The following ZP3 variants were observed in gnomAD, a reference collection of about 807,000 sequenced individuals.
The protein encoded by ZP3 is zona pellucida glycoprotein 3.
Under a neutral mutation model 35.6 loss-of-function variants are expected in ZP3, and 21 were observed. The observed-to-expected ratio is 0.59, with a 90% CI of 0.42 to 0.85. ZP3 has a LOEUF of 0.85. Among genes scored for constraint, ZP3 ranks in the 40% least tolerant of loss-of-function variants. The pLI is 0.00. For missense variants in ZP3, 437 were observed against 536.5 expected, an observed-to-expected ratio of 0.81 and a Z score of 1.83; for synonymous variants, 207 against 214.5, an observed-to-expected ratio of 0.96 and a Z score of 0.31.
Position 76,433,665 on chromosome 7 carries a change from T to G in ZP3, c.713+18T>G. 1 of 1,580,782 alleles carries G rather than the reference T, an allele frequency of 6.3e-7. No homozygotes were observed. Among genetic ancestry groups the G allele is most frequent in the Non-Finnish European group, 8.6e-7 (1 of 1,161,504 alleles). ...TTCCATGGGTGAGCACTGGGCTCCC[T>G]GCCTAGAGAACCTTCCTAGCAAAAT... On this transcript the variant is annotated intron_variant, in intron 4 of 7. Transcript: ENST00000394857.
chr7:76,414,421 C>T (rs1265246394), intron 1 of ZP3, among the ~76,000 whole-genome samples: 5 of 152,054 alleles, frequency 3.3e-5, no homozygotes, highest in Admixed American at 6.6e-5. Context: ...GGTGCCTAGG[C>T]GGTTGGTTCA....
intron 1 of ZP3, 79 bp from the exon 2 acceptor site, chr7:76,429,436 T>A: frequency 7.2e-7 from 1 of 1,394,954 alleles, no homozygotes; most frequent in African/African-American, 1.4e-5. Flanking sequence ...TGGGCTGCCC[T>A]CCCTGAGCAC....
chr7:76,404,607 C>T (rs556009195), intron 1 of ZP3: 23 of 892,382 alleles, frequency 2.6e-5, no homozygotes, highest in South Asian at 2.3e-4. Context: ...GCCTGGGCAA[C>T]ATAGTGAGAC....
intron 1 of ZP3, chr7:76,400,700 G>A: frequency 8.1e-7 from 1 of 1,230,544 alleles, no homozygotes; most frequent in Non-Finnish European, 1.1e-6. Flanking sequence ...TAGAGACGGG[G>A]TCTCACTATG....
exon 1 of ZP3, chr7:76,397,733 C>T (rs745520133): frequency 6.2e-7 from 1 of 1,613,338 alleles, no homozygotes; most frequent in Non-Finnish European, 8.5e-7. Context: ...CGGCAGCCCC[C>T]AGTCGTCGTC....
intron 1 of ZP3, among the ~76,000 whole-genome samples, chr7:76,418,030 C>T (rs543571486): frequency 6.6e-5 from 10 of 151,132 alleles, no homozygotes; most frequent in Admixed American, 1.3e-4. Context: ...CTCCGCCTCC[C>T]GGGTTCAAGC....
intron 7 of ZP3, 147 bp downstream of exon 7, chr7:76,440,758 T>C (rs1178129605): frequency 7.3e-7 from 1 of 1,369,204 alleles, no homozygotes; most frequent in African/African-American, 1.5e-5. Flanking sequence ...CTAACACAAA[T>C]CTTGGGGTTA....
intron 1 of ZP3, among the ~76,000 whole-genome samples, chr7:76,412,965 CTT>C (rs1160174272): frequency 2.9e-5 from 3 of 102,540 alleles, no homozygotes; most frequent in Non-Finnish European, 1.7e-5. Flanking sequence ...TCTTCTTCTT[CTT>C]TTTTTTTTTT....
chr7:76,428,806 C>T (rs956625809), intron 1 of ZP3: 3 of 152,416 alleles, frequency 2.0e-5, no homozygotes, highest in South Asian at 4.1e-4. Flanking sequence ...CTCAGTCTCC[C>T]GAGTAGCTGG....
chr7:76,433,447 G>T (rs1351711987), intron 3 of ZP3, 23 bp from the exon 4 acceptor site: 3 of 1,604,188 alleles, frequency 1.9e-6, no homozygotes, highest in Non-Finnish European at 2.6e-6. Context: ...GAGCCACCAT[G>T]CCCAGCTGAC....
chr7:76,401,177 C>A, intron 1 of ZP3: 1 of 1,262,096 alleles, frequency 7.9e-7, no homozygotes, highest in South Asian at 1.6e-5. Flanking sequence ...CCTGCTTTGC[C>A]AAAGCCCCAT....
At chr7:76,420,081 C>T (rs182712498), upstream of ZP3, among the ~76,000 whole-genome samples, 73 of 151,646 alleles carry the variant, frequency 4.8e-4, 2 homozygotes, top group East Asian at 0.013. Flanking sequence ...GGATTACAGG[C>T]ATTAGCCACC....
At chr7:76,412,773 C>T (rs188131177) in intron 1 of ZP3, among the ~76,000 whole-genome samples, 4 of 151,426 alleles carry the variant, frequency 2.6e-5, no homozygotes, top group South Asian at 2.1e-4. Context: ...CGCTTGAACC[C>T]GGGAGGCGGA....
chr7:76,423,056 A>G (rs1266870517), upstream of ZP3, among the ~76,000 whole-genome samples: 1 of 143,282 alleles, frequency 7.0e-6, no homozygotes, highest in African/African-American at 2.8e-5. Flanking sequence ...AGAAAGAAAG[A>G]AAGAAAGAAA....
chr7:76,412,735 G>C (rs1805279145), intron 1 of ZP3, among the ~76,000 whole-genome samples: 1 of 151,874 alleles, frequency 6.6e-6, no homozygotes, highest in African/African-American at 2.4e-5. Flanking sequence ...TGTAATCCCA[G>C]CTACTCGGGA....
intron 1 of ZP3, among the ~76,000 whole-genome samples, chr7:76,408,140 G>C (rs1374470205): frequency 6.6e-6 from 1 of 152,088 alleles, no homozygotes; most frequent in African/African-American, 2.4e-5. Flanking sequence ...GTGGGACTGG[G>C]GGACATGGGT....
intron 1 of ZP3, among the ~76,000 whole-genome samples, chr7:76,412,194 A>G (rs1229420037): frequency 6.6e-6 from 1 of 151,652 alleles, no homozygotes; most frequent in Non-Finnish European, 1.5e-5. Context: ...TCTCAAAAAA[A>G]AAAAAAAAGA....
At chr7:76,413,761 G>C (rs1805304986) in intron 1 of ZP3, among the ~76,000 whole-genome samples, 1 of 150,916 alleles carries the variant, frequency 6.6e-6, no homozygotes, top group Non-Finnish European at 1.5e-5. Flanking sequence ...CGAACTCTGA[G>C]GTTGAAGTAA....
At chr7:76,420,570 C>T (rs1419331838), upstream of ZP3, among the ~76,000 whole-genome samples, 1 of 152,108 alleles carries the variant, frequency 6.6e-6, no homozygotes, top group Non-Finnish European at 1.5e-5. Flanking sequence ...GTTAATTTTT[C>T]CTCAAAGATC....
Sources: allele counts gnomAD v4.1 joint callset (sites outside exome capture counted in the v4.1 genomes callset), GRCh38; gene constraint gnomAD v4.1.1; transcripts MANE v1.5; gene names NCBI Gene and HGNC (gene_info 2026-07-23, HGNC 2026-07-21).